The following CELF2 variants were observed in gnomAD, a reference collection of about 807,000 sequenced individuals.
CELF2 encodes the protein CUG triplet repeat RNA-binding protein 2.
A neutral mutation model predicts 62.6 loss-of-function variants in CELF2; 8 were observed. The ratio of observed to expected loss-of-function variants is 0.13; its 90% CI spans 0.07 to 0.23. CELF2 has a LOEUF of 0.23. Among genes scored for constraint, CELF2 ranks in the 10% least tolerant of loss-of-function variants. The pLI, the probability that CELF2 is intolerant of heterozygous loss-of-function variation, is 1.00. For synonymous variants in CELF2, 258 were observed against 250.0 expected (o/e 1.03, Z -0.30); for missense variants, 333 against 671.0 (o/e 0.50, Z 5.56).
At chr10:10,681,351 A>G in the CELF2 span, among the ~76,000 whole-genome samples, 1 of 152,132 alleles carries the variant, frequency 6.6e-6, no homozygotes, top group Non-Finnish European at 1.5e-5. Flanking sequence ...TCTGCCTCCA[A>G]ACCTCCAACC....
At chr10:10,561,196 G>A in the CELF2 span, among the ~76,000 whole-genome samples, 1 of 151,598 alleles carries the variant, frequency 6.6e-6, no homozygotes, top group African/African-American at 2.4e-5. Context: ...CTCTTCTATT[G>A]GAAAAAAAAA....
At chr10:10,552,605 AGT>A in the CELF2 span, among the ~76,000 whole-genome samples, 1 of 152,046 alleles carries the variant, frequency 6.6e-6, no homozygotes, top group Non-Finnish European at 1.5e-5. Context: ...GAACCTTCTG[AGT>A]GTTTTTGTGG....
At chr10:11,073,605 C>T (rs774623010) in intron 1 of CELF2, among the ~76,000 whole-genome samples, 4 of 152,168 alleles carry the variant, frequency 2.6e-5, no homozygotes, top group Non-Finnish European at 5.9e-5. Flanking sequence ...TGTGTGGACT[C>T]TGGTTTCAAG....
the CELF2 span, among the ~76,000 whole-genome samples, chr10:10,562,316 A>G: frequency 1.3e-5 from 2 of 152,180 alleles, no homozygotes; most frequent in Admixed American, 1.3e-4. Flanking sequence ...TTTCTGGCTC[A>G]ATGAAGAGCC....
At chr10:11,057,760 T>G (rs1270173053) in intron 1 of CELF2, among the ~76,000 whole-genome samples, 13 of 152,234 alleles carry the variant, frequency 8.5e-5, no homozygotes, top group Admixed American at 8.5e-4. Flanking sequence ...AAAATGTTTT[T>G]GGTTAACAGC....
chr10:10,704,272 A>G, the CELF2 span, among the ~76,000 whole-genome samples: 1 of 152,100 alleles, frequency 6.6e-6, no homozygotes, highest in Non-Finnish European at 1.5e-5. Context: ...CAAAACAAAT[A>G]GAGGAAGCAT....
At chr10:10,855,367 CAT>C (rs767652286) in intron 1 of CELF2, among the ~76,000 whole-genome samples, 1 of 152,210 alleles carries the variant, frequency 6.6e-6, no homozygotes, top group Non-Finnish European at 1.5e-5. Flanking sequence ...CTGCAGCTGA[CAT>C]GTGTACACAC....
chr10:10,748,470 C>T, the CELF2 span, among the ~76,000 whole-genome samples: 2 of 152,086 alleles, frequency 1.3e-5, no homozygotes, highest in Admixed American at 1.3e-4. Flanking sequence ...TCTCTGGGGT[C>T]TGGCGCGGTG....
chr10:10,514,194 G>A, the CELF2 span, among the ~76,000 whole-genome samples: 2 of 152,196 alleles, frequency 1.3e-5, no homozygotes, highest in Non-Finnish European at 1.5e-5. Flanking sequence ...TTCAAACACT[G>A]TAGAATGAGA....
At chr10:11,151,483 G>A (rs1338159684) in intron 1 of CELF2, among the ~76,000 whole-genome samples, 5 of 152,196 alleles carry the variant, frequency 3.3e-5, no homozygotes, top group African/African-American at 1.2e-4. Context: ...GCAAGGCTGT[G>A]TTCCTTCCAG....
At chr10:10,748,747 C>CAAAAA in the CELF2 span, among the ~76,000 whole-genome samples, 1 of 36,994 alleles carries the variant, frequency 2.7e-5, no homozygotes, top group Admixed American at 3.2e-4. Context: ...GACTCTGTCT[C>CAAAAA]AAAAAAAAAA....
intron 1 of CELF2, among the ~76,000 whole-genome samples, chr10:11,027,968 G>C (rs1448406427): frequency 6.6e-6 from 1 of 152,152 alleles, no homozygotes; most frequent in South Asian, 2.1e-4. Context: ...CGCATTTCCC[G>C]GGAGAATCAA....
At chr10:10,679,952 T>C in the CELF2 span, among the ~76,000 whole-genome samples, 1 of 152,228 alleles carries the variant, frequency 6.6e-6, no homozygotes, top group South Asian at 2.1e-4. Context: ...GTTTTTCCTC[T>C]TTATTAAAAT....
At chr10:10,761,565 G>C in the CELF2 span, among the ~76,000 whole-genome samples, 9 of 152,218 alleles carry the variant, frequency 5.9e-5, no homozygotes, top group Non-Finnish European at 1.2e-4. Context: ...GAATAAAGCA[G>C]TTGCTCTCTC....
At chr10:10,626,680 G>C in the CELF2 span, among the ~76,000 whole-genome samples, 2 of 152,066 alleles carry the variant, frequency 1.3e-5, no homozygotes, top group African/African-American at 4.8e-5. Flanking sequence ...TCTTCAGCTG[G>C]CTGGCCCTGA....
the CELF2 span, among the ~76,000 whole-genome samples, chr10:10,563,582 T>A: frequency 1.6e-5 from 2 of 128,536 alleles, no homozygotes. Context: ...CACTCCAGCC[T>A]GGGCGACATA....
chr10:10,653,893 C>G, the CELF2 span, among the ~76,000 whole-genome samples: 1 of 151,656 alleles, frequency 6.6e-6, no homozygotes, highest in African/African-American at 2.4e-5. Context: ...GAAATAGAGA[C>G]ACAAAAAACC....
chr10:11,160,645 C>CAAA (rs35755036), intron 1 of CELF2, among the ~76,000 whole-genome samples: 10 of 96,862 alleles, frequency 1.0e-4, no homozygotes, highest in South Asian at 3.2e-4. Context: ...TCCCAAGGAT[C>CAAA]AAAAAAAAAA....
intron 1 of CELF2, among the ~76,000 whole-genome samples, chr10:11,097,119 A>C (rs909685213): frequency 6.6e-6 from 1 of 152,210 alleles, no homozygotes; most frequent in African/African-American, 2.4e-5. Flanking sequence ...GGCAATTTCC[A>C]AATCTTTTTT....
Sources: gnomAD v4.1 joint callset for allele counts (sites outside exome capture counted in the v4.1 genomes callset) on GRCh38, gnomAD v4.1.1 for gene constraint, MANE v1.5 for transcripts, NCBI Gene and HGNC (gene_info 2026-07-23, HGNC 2026-07-21) for gene names.